The following PPAT variants were observed in gnomAD, a reference collection of about 807,000 sequenced individuals.
PPAT encodes the protein amidophosphoribosyltransferase.
A neutral mutation model predicts 60.2 loss-of-function variants in PPAT; 20 were observed. The observed-to-expected ratio is 0.33, with a 90% CI of 0.23 to 0.48. The LOEUF (loss-of-function observed/expected upper bound fraction) is 0.48, where lower values mean the gene tolerates loss of function less well. Among genes scored for constraint, PPAT ranks in the 20% least tolerant of loss-of-function variants. The pLI is 0.99. For missense variants in PPAT, 349 were observed against 629.6 expected, an observed-to-expected ratio of 0.55 and a Z score of 4.77; for synonymous variants, 194 against 215.1, an observed-to-expected ratio of 0.90 and a Z score of 0.86.
intron 1 of PPAT, among the ~76,000 whole-genome samples, chr4:56,423,942 T>C (rs1029606093): frequency 2.6e-5 from 4 of 152,188 alleles, no homozygotes; most frequent in African/African-American, 9.7e-5. Context: ...GAACGTAGTA[T>C]TGAGGTATAA....
At chr4:56,407,813 C>T in intron 1 of PPAT, 97 bp from the exon 2 acceptor site, 2 of 922,606 alleles carry the variant, frequency 2.2e-6, no homozygotes, top group Non-Finnish European at 3.6e-6. Flanking sequence ...CATCCATGAA[C>T]TTAGTGTGAC....
chr4:56,416,996 C>T (rs184300730), intron 1 of PPAT, among the ~76,000 whole-genome samples: 3 of 152,150 alleles, frequency 2.0e-5, no homozygotes, highest in African/African-American at 4.8e-5. Context: ...ATTACAGGAG[C>T]GCACCATCAC....
At chr4:56,406,994 G>A (rs1716257222) in intron 2 of PPAT, among the ~76,000 whole-genome samples, 1 of 152,136 alleles carries the variant, frequency 6.6e-6, no homozygotes, top group Admixed American at 6.5e-5. Flanking sequence ...AAGCACTTGT[G>A]TTTCATAAGA....
intron 1 of PPAT, among the ~76,000 whole-genome samples, chr4:56,427,190 G>A (rs777976918): frequency 6.6e-6 from 1 of 152,202 alleles, no homozygotes; most frequent in African/African-American, 2.4e-5. Flanking sequence ...TATGAATGTG[G>A]ATGTATAAAT....
rs551848333 is a variant in PPAT at position 56,400,895 on chromosome 4, T to C, written c.903A>G (p.Thr301=). The change falls in exon 8 of 11, where the codon ACA becomes ACG. Residue 301 remains threonine, a synonymous_variant. Transcript: ENST00000264220. ...DSMFEDQMVY[T]VRYRCGQQLA... ...GCTGCTGGCCACAACGGTATCTTACTGTATAAACCATTTGGTCTGGTGTGT... is the reference window on the plus strand; with the variant it reads ...GCTGCTGGCCACAACGGTATCTTACCGTATAAACCATTTGGTCTGGTGTGT... 6.2e-7 allele frequency: 1 copy of C among 1,612,360 alleles called. No homozygotes were observed. Among genetic ancestry groups the C allele is most frequent in the South Asian group, 1.1e-5 (1 of 91,018 alleles).
Position 56,403,139 on chromosome 4 carries a change from T to C in PPAT, c.562A>G (p.Ile188Val). 6.2e-7 allele frequency: 1 copy of C among 1,612,078 alleles called. No individual in the cohort carries two copies. Among genetic ancestry groups the C allele is most frequent in the Non-Finnish European group, 8.5e-7 (1 of 1,178,330 alleles). ...KEAPTAYSLL[I>V]MHRDVIYAVR... ...GCATAAATAACATCTCTGTGCATTA[T>C]AAGCAGGGAGTATGCTGTGGGTGCT... Residue 188 changes from isoleucine to valine, a missense_variant, in exon 5 of 11, where the codon ATA becomes GTA. Ile to Val is a conservative substitution (Grantham distance 29, BLOSUM62 3). Coordinates refer to ENST00000264220, the MANE Select transcript of PPAT (RefSeq NM_002703.5).
chr4:56,406,281 T>C (rs1447802951), intron 3 of PPAT, among the ~76,000 whole-genome samples: 2 of 152,192 alleles, frequency 1.3e-5, no homozygotes, highest in Non-Finnish European at 2.9e-5. Context: ...GAGTCTAAAA[T>C]GCATATTCTC....
intron 1 of PPAT, chr4:56,431,496 A>G: frequency 1.0e-6 from 1 of 980,254 alleles, no homozygotes; most frequent in Non-Finnish European, 1.2e-6. Context: ...GTAATAACAG[A>G]ACCAAAAGAT....
chr4:56,399,167 A>C lies in PPAT; in HGVS notation c.1236+12T>G, dbSNP rs1407743229. On this transcript the variant is annotated intron_variant, in intron 9 of 10. Coordinates refer to ENST00000264220, the MANE Select transcript of PPAT (RefSeq NM_002703.5). ...TAACTTATGCTTTAGGATATGTTTT[A>C]ATATTACTTACCTCTTTTGCACCAG... is the stretch of plus-strand genomic sequence containing the variant. 8.8e-6 allele frequency: 14 copies of C among 1,589,382 alleles called. No individual in the cohort carries two copies. Among genetic ancestry groups the C allele is most frequent in the Admixed American group, 6.7e-5 (4 of 59,834 alleles).
At chr4:56,420,025 T>A in intron 1 of PPAT, 3 of 983,930 alleles carry the variant, frequency 3.0e-6, no homozygotes, top group Non-Finnish European at 3.6e-6. Flanking sequence ...TGTGCCAACG[T>A]AAAAATGGGA....
chr4:56,415,323 C>G (rs1404030812), intron 1 of PPAT, among the ~76,000 whole-genome samples: 2 of 152,176 alleles, frequency 1.3e-5, no homozygotes, highest in African/African-American at 4.8e-5. Flanking sequence ...AATTAGTCTG[C>G]AATTTCATGT....
chr4:56,434,951 C>T (rs1456064252), intron 1 of PPAT, among the ~76,000 whole-genome samples: 1 of 152,224 alleles, frequency 6.6e-6, no homozygotes, highest in African/African-American at 2.4e-5. Flanking sequence ...GGACTGGCCG[C>T]CACGCCACAC....
At chr4:56,417,835 G>GTTTTTTTTTTT (rs1207160039) in intron 1 of PPAT, among the ~76,000 whole-genome samples, 8 of 102,590 alleles carry the variant, frequency 7.8e-5, no homozygotes, top group African/African-American at 2.8e-4. Flanking sequence ...TGAAGATTTG[G>GTTTTTTTTTTT]TTTTTTGTTT....
Position 56,394,258 on chromosome 4 carries a change from T to C in PPAT, c.*1094A>G, listed in dbSNP as rs971180113. On this transcript the variant is annotated 3_prime_UTR_variant, in exon 11 of 11. Transcript: ENST00000264220. ...TACTTGGACTTGGATTGTAAGTTGA[T>C]ACTAATTCCCCAAAGTGGTTGTCTC... is the stretch of plus-strand genomic sequence containing the variant. 1.6e-4 allele frequency: 24 copies of C among 152,180 alleles called. 1 individual carries two copies. The highest frequency in any genetic ancestry group is 1.3e-3 in the Admixed American group (20 of 15,284). 9.4% of individuals were successfully genotyped at this position (152,180 alleles called of 1,614,324 possible).
Position 56,402,129 on chromosome 4 carries a change from G to A in PPAT, c.714C>T (p.Ser238=). ...EGWVVSSESC[S]FLSIGARYYR... Reference sequence around the variant, plus strand: ...CTTACCTTGCACCAATAGATAAGAAGCTACAAGATTCTGAAGACACCACCC... The same window carrying A: ...CTTACCTTGCACCAATAGATAAGAAACTACAAGATTCTGAAGACACCACCC... The change falls in exon 6 of 11, where the codon AGC becomes AGT. Residue 238 remains serine, a synonymous_variant. Transcript: ENST00000264220. 3.7e-6 allele frequency: 6 copies of A among 1,602,372 alleles called. No homozygotes were observed. Among genetic ancestry groups the A allele is most frequent in the Non-Finnish European group, 2.6e-6 (3 of 1,171,262 alleles).
At chr4:56,433,305 C>T (rs1717700681) in intron 1 of PPAT, among the ~76,000 whole-genome samples, 1 of 150,882 alleles carries the variant, frequency 6.6e-6, no homozygotes, top group Admixed American at 6.6e-5. Context: ...TCATTATTGC[C>T]CTTATCTGGT....
chr4:56,401,270 TGTTTCAA>T lies in PPAT; in HGVS notation c.886+53_886+59del, dbSNP rs1716106313. On this transcript the variant is annotated intron_variant, in intron 7 of 10. Transcript: ENST00000264220. ...TAAGCCTTTGAGGCAAGAATTGCCATGTTTCAAGGAGATAGCTAAAACATTTATATGA... is the reference window on the plus strand; with the variant it reads ...TAAGCCTTTGAGGCAAGAATTGCCATGGAGATAGCTAAAACATTTATATGA... 2.4e-5 allele frequency: 35 copies of T among 1,445,852 alleles called. No individual in the cohort carries two copies. In the South Asian group the frequency reaches 4.6e-4, roughly 19 times the overall value. The allele number at this position is 1,445,852 out of a possible 1,614,324, so 89.6% of individuals were successfully genotyped here.
At chr4:56,428,498 T>C (rs1311143923) in intron 1 of PPAT, among the ~76,000 whole-genome samples, 1 of 152,114 alleles carries the variant, frequency 6.6e-6, no homozygotes, top group African/African-American at 2.4e-5. Flanking sequence ...AAAATATGAA[T>C]ATAGCATTTT....
intron 8 of PPAT, 86 bp downstream of exon 8, chr4:56,400,698 T>C (rs1319992834): frequency 1.9e-5 from 26 of 1,341,708 alleles, no homozygotes; most frequent in Middle Eastern, 2.8e-4. Context: ...TCCTTAGAAA[T>C]GTTGATGAGT....
Sources: allele counts gnomAD v4.1 joint callset (sites outside exome capture counted in the v4.1 genomes callset), GRCh38; gene constraint gnomAD v4.1.1; transcripts MANE v1.5; gene names NCBI Gene and HGNC (gene_info 2026-07-23, HGNC 2026-07-21).